Variants in USH2A observed in about 807,000 individuals in gnomAD.
USH2A encodes the protein usherin.
Under a neutral mutation model 538.9 loss-of-function variants are expected in USH2A, and 443 were observed. The ratio of observed to expected loss-of-function variants is 0.82; its 90% CI spans 0.76 to 0.89. USH2A has a LOEUF of 0.89. USH2A is among the 40% of genes least tolerant of loss of function. USH2A has a pLI of 0.00. For synonymous variants in USH2A, 2,413 were observed against 2,273.5 expected, an observed-to-expected ratio of 1.06 and a Z score of -1.75; for missense variants, 6,633 against 6,324.8, an observed-to-expected ratio of 1.05 and a Z score of -1.65.
chr1:215,836,552 T>C (rs1174737681), intron 47 of USH2A, among the ~76,000 whole-genome samples: 2 of 16,376 alleles, frequency 1.2e-4, no homozygotes, highest in African/African-American at 6.2e-4. Context: ...AATATATATA[T>C]ATATATATAT....
intron 27 of USH2A, among the ~76,000 whole-genome samples, chr1:216,077,376 AT>A (rs1304061145): frequency 6.6e-6 from 1 of 151,602 alleles, no homozygotes; most frequent in African/African-American, 2.4e-5. Context: ...TACACCCCAC[AT>A]TTTTTTTCCA....
At chr1:216,015,999 A>G (rs1668701576) in intron 32 of USH2A, among the ~76,000 whole-genome samples, 1 of 152,186 alleles carries the variant, frequency 6.6e-6, no homozygotes, top group African/African-American at 2.4e-5. Context: ...TACACCATGG[A>G]ATACTATGTA....
chr1:215,715,942 C>G (rs1659470562), intron 61 of USH2A, among the ~76,000 whole-genome samples: 1 of 152,186 alleles, frequency 6.6e-6, no homozygotes, highest in Non-Finnish European at 1.5e-5. Flanking sequence ...TTAATTTCTG[C>G]ACCCTTCAGG....
At chr1:215,912,808 A>G (rs1264733820) in intron 38 of USH2A, among the ~76,000 whole-genome samples, 1 of 151,782 alleles carries the variant, frequency 6.6e-6, no homozygotes, top group Non-Finnish European at 1.5e-5. Context: ...CCATCTTCCC[A>G]CCCTTCACCC....
intron 38 of USH2A, among the ~76,000 whole-genome samples, chr1:215,911,558 A>T (rs544212753): frequency 1.3e-5 from 2 of 152,232 alleles, no homozygotes; most frequent in African/African-American, 4.8e-5. Flanking sequence ...ACGGCTGAAT[A>T]GTACTCCATT....
At chr1:216,156,878 C>CT (rs397844581) in intron 21 of USH2A, among the ~76,000 whole-genome samples, 7,645 of 143,586 alleles carry the variant, frequency 0.053, 463 homozygotes, top group African/African-American at 0.16. Context: ...ACTTCTATCT[C>CT]TTTTTTTTTT....
At chr1:215,807,712 A>G in intron 49 of USH2A, among the ~76,000 whole-genome samples, 1 of 151,978 alleles carries the variant, frequency 6.6e-6, no homozygotes, top group Non-Finnish European at 1.5e-5. Context: ...TAGGATCTCA[A>G]AGGTCATTAG....
chr1:215,741,333 C>T, intron 60 of USH2A, 42 bp downstream of exon 60: 1 of 1,597,784 alleles, frequency 6.3e-7, no homozygotes, highest in Non-Finnish European at 8.6e-7. Flanking sequence ...GAGCAGTACG[C>T]ATTCTTAAAT....
chr1:216,242,321 C>A (rs571873010), intron 13 of USH2A, among the ~76,000 whole-genome samples: 161 of 151,298 alleles, frequency 1.1e-3, no homozygotes, highest in African/African-American at 3.5e-3. Flanking sequence ...GAACTCTAGC[C>A]CTCTAGCCTG....
chr1:216,415,123 G>C lies in USH2A; in HGVS notation c.651+3391C>G, dbSNP rs998904723. ...GCACAAGACTGATCATTGGTTAATGGGGCTGGCTCTGTCACTTACTACCTA... is the reference window on the plus strand; with the variant it reads ...GCACAAGACTGATCATTGGTTAATGCGGCTGGCTCTGTCACTTACTACCTA... On this transcript the variant is annotated intron_variant, in intron 3 of 71. Transcript: ENST00000307340. Among the ~76,000 whole-genome samples, 10 of 151,984 alleles carry C rather than the reference G, an allele frequency of 6.6e-5. No homozygotes were observed. The East Asian group carries it at 1.4e-3, about 21-fold the overall frequency.
chr1:216,123,403 G>A (rs2033175141), intron 21 of USH2A, among the ~76,000 whole-genome samples: 1 of 152,188 alleles, frequency 6.6e-6, no homozygotes, highest in South Asian at 2.1e-4. Flanking sequence ...GTTGATTAAT[G>A]TTATCTATGA....
intron 58 of USH2A, 51 bp from the exon 59 acceptor site, chr1:215,743,386 A>ATATATATATATATATATGTGTG (rs878870284): frequency 3.2e-6 from 1 of 310,000 alleles, no homozygotes; most frequent in Non-Finnish European, 5.4e-6. Context: ...ATATATATAT[A>ATATATATATATATATATGTGTG]TGTGTGTGTG....
intron 4 of USH2A, among the ~76,000 whole-genome samples, chr1:216,351,577 T>C (rs1324620423): frequency 6.6e-6 from 1 of 152,176 alleles, no homozygotes; most frequent in South Asian, 2.1e-4. Context: ...ATAGTAAGAA[T>C]GGTGGTTTTC....
At chr1:216,221,583 T>C (rs1352127022) in intron 14 of USH2A, among the ~76,000 whole-genome samples, 1 of 152,152 alleles carries the variant, frequency 6.6e-6, no homozygotes, top group Non-Finnish European at 1.5e-5. Context: ...ACGTTAACAG[T>C]GTGCAACCCC....
At chr1:215,631,227 A>AGTGTGTGTGTGTGTGTGTGTGTGTGT (rs145355299) in intron 70 of USH2A, among the ~76,000 whole-genome samples, 13 of 148,550 alleles carry the variant, frequency 8.8e-5, no homozygotes, top group African/African-American at 3.2e-4. Flanking sequence ...GAGGGGGAGA[A>AGTGTGTGTGTGTGTGTGTGTGTGTGT]GTGTGTGTGT....
At chr1:215,935,164 T>C (rs1405080469) in intron 37 of USH2A, among the ~76,000 whole-genome samples, 4 of 152,034 alleles carry the variant, frequency 2.6e-5, no homozygotes, top group African/African-American at 4.8e-5. Context: ...GGGTTTTTTT[T>C]CCAATAAAAA....
rs539828217 is a variant in USH2A, at chr1:215,667,201, T to G, written c.14133+3771A>C. 3.9e-5 allele frequency among the ~76,000 whole-genome samples: 6 copies of G among 152,326 alleles called. No homozygotes were observed. In the East Asian group the frequency reaches 1.2e-3, roughly 29 times the overall value. On this transcript the variant is annotated intron_variant, in intron 64 of 71. Transcript: ENST00000307340. The stretch of plus-strand genomic sequence containing the variant: ...CTTGTACTGTAAACAGTGGGGATGC[T>G]ACCTTTAGGGCATTCCATATTGAAG...
At chr1:216,355,101 A>G (rs540624753) in intron 4 of USH2A, among the ~76,000 whole-genome samples, 1 of 152,002 alleles carries the variant, frequency 6.6e-6, no homozygotes, top group Non-Finnish European at 1.5e-5. Context: ...TGAGGTCAGG[A>G]GTTCGAGACC....
At chr1:215,776,675 G>A (rs1483325276) in intron 55 of USH2A, among the ~76,000 whole-genome samples, 1 of 152,042 alleles carries the variant, frequency 6.6e-6, no homozygotes, top group African/African-American at 2.4e-5. Context: ...TTATCCTAGG[G>A]GGTTCAGGCA....
Sources: gnomAD v4.1 joint callset for allele counts (sites outside exome capture counted in the v4.1 genomes callset) on GRCh38, gnomAD v4.1.1 for gene constraint, MANE v1.5 for transcripts, NCBI Gene and HGNC (gene_info 2026-07-23, HGNC 2026-07-21) for gene names.